Variants in SGCZ observed in about 807,000 individuals in gnomAD.
SGCZ encodes zeta-sarcoglycan.
A neutral mutation model predicts 41.3 loss-of-function variants in SGCZ; 40 were observed. The ratio of observed to expected loss-of-function variants is 0.97; its 90% CI spans 0.75 to 1.26. The LOEUF (loss-of-function observed/expected upper bound fraction) is 1.26, where lower values mean the gene tolerates loss of function less well. Ranked by LOEUF, SGCZ falls within the 50% of genes most tolerant of loss-of-function variation. The pLI, the probability that SGCZ is intolerant of heterozygous loss-of-function variation, is 0.00. For missense variants in SGCZ, 552 were observed against 369.8 expected, an observed-to-expected ratio of 1.49 and a Z score of -4.04; for synonymous variants, 206 against 137.5, an observed-to-expected ratio of 1.50 and a Z score of -3.49.
At chr8:14,686,759 AT>A (rs1433158897) in intron 1 of SGCZ, among the ~76,000 whole-genome samples, 1 of 152,098 alleles carries the variant, frequency 6.6e-6, no homozygotes, top group African/African-American at 2.4e-5. Flanking sequence ...ATGGTTTTGA[AT>A]ATGATAAATA....
intron 2 of SGCZ, among the ~76,000 whole-genome samples, chr8:14,402,770 G>C (rs1425220899): frequency 6.8e-6 from 1 of 147,534 alleles, no homozygotes; most frequent in Non-Finnish European, 1.5e-5. Flanking sequence ...TTGGCCATGC[G>C]GGCTCTTTTT....
At chr8:15,158,875 A>C (rs1419895778) in intron 1 of SGCZ, among the ~76,000 whole-genome samples, 1 of 152,216 alleles carries the variant, frequency 6.6e-6, no homozygotes, top group Non-Finnish European at 1.5e-5. Context: ...GAGGGTTATA[A>C]TCACTCTGTG....
intron 1 of SGCZ, among the ~76,000 whole-genome samples, chr8:14,711,507 CAGG>C (rs1809514750): frequency 1.4e-5 from 2 of 145,972 alleles, no homozygotes; most frequent in African/African-American, 2.5e-5. Context: ...AAGGCTGACG[CAGG>C]AGAATTGCTT....
chr8:14,468,390 A>G (rs1449140156), intron 2 of SGCZ, among the ~76,000 whole-genome samples: 1 of 152,122 alleles, frequency 6.6e-6, no homozygotes, highest in African/African-American at 2.4e-5. Flanking sequence ...TTTATTTTAA[A>G]TATCTTGCTC....
intron 1 of SGCZ, among the ~76,000 whole-genome samples, chr8:15,043,544 AAAG>A: frequency 6.6e-6 from 1 of 152,170 alleles, no homozygotes; most frequent in Non-Finnish European, 1.5e-5. Context: ...ACTTTCCAAA[AAAG>A]AAGAAAGGCA....
intron 1 of SGCZ, among the ~76,000 whole-genome samples, chr8:14,968,171 C>T (rs1801179659): frequency 6.6e-6 from 1 of 152,136 alleles, no homozygotes. Context: ...CAGAATCCCC[C>T]TTCCATATGG....
At chr8:15,042,273 G>C (rs1170306290) in intron 1 of SGCZ, among the ~76,000 whole-genome samples, 1 of 152,168 alleles carries the variant, frequency 6.6e-6, no homozygotes, top group Non-Finnish European at 1.5e-5. Flanking sequence ...CTAATGCCTA[G>C]CTGACGGCAG....
chr8:14,280,894 G>C (rs1405162805), intron 3 of SGCZ, among the ~76,000 whole-genome samples: 7 of 151,466 alleles, frequency 4.6e-5, no homozygotes, highest in Non-Finnish European at 1.0e-4. Flanking sequence ...GAGAGAGGGA[G>C]AAAGTACATA....
At chr8:14,668,249 C>CGCCCCCAGCCCAGATTTATTT (rs1807981467) in intron 1 of SGCZ, among the ~76,000 whole-genome samples, 1 of 152,138 alleles carries the variant, frequency 6.6e-6, no homozygotes, top group Non-Finnish European at 1.5e-5. Context: ...CGTGAGCCAC[C>CGCCCCCAGCCCAGATTTATTT]GCCCCCAGCC....
At chr8:14,551,551 A>ATT (rs1803847886) in intron 2 of SGCZ, among the ~76,000 whole-genome samples, 6 of 25,946 alleles carry the variant, frequency 2.3e-4, no homozygotes, top group South Asian at 2.0e-3. Context: ...TAATATATAT[A>ATT]ATATATATTA....
chr8:15,153,716 C>T (rs1459872820), intron 1 of SGCZ, among the ~76,000 whole-genome samples: 1 of 152,080 alleles, frequency 6.6e-6, no homozygotes, highest in African/African-American at 2.4e-5. Flanking sequence ...CTGCCCCTAC[C>T]GTGCCTTCCG....
chr8:14,595,780 G>A (rs1241629228), intron 1 of SGCZ, among the ~76,000 whole-genome samples: 2 of 152,142 alleles, frequency 1.3e-5, no homozygotes, highest in African/African-American at 2.4e-5. Flanking sequence ...GGGAAAACAC[G>A]GGTGCTGCCT....
chr8:15,170,246 C>T (rs1585635838), intron 1 of SGCZ, among the ~76,000 whole-genome samples: 1 of 152,182 alleles, frequency 6.6e-6, no homozygotes, highest in Non-Finnish European at 1.5e-5. Flanking sequence ...CCTTGACTTT[C>T]ATACATGACT....
At chr8:14,279,129 C>T (rs1038678550) in intron 3 of SGCZ, among the ~76,000 whole-genome samples, 10 of 151,766 alleles carry the variant, frequency 6.6e-5, no homozygotes, top group Admixed American at 3.9e-4. Flanking sequence ...AAATCAGAGC[C>T]GGAGATAAAA....
intron 2 of SGCZ, among the ~76,000 whole-genome samples, chr8:14,529,117 G>T (rs1030842214): frequency 6.6e-6 from 1 of 152,046 alleles, no homozygotes; most frequent in Non-Finnish European, 1.5e-5. Context: ...GAAATATTAA[G>T]TCCAGCACAT....
chr8:14,422,249 C>G (rs575296106), intron 2 of SGCZ, among the ~76,000 whole-genome samples: 1 of 152,254 alleles, frequency 6.6e-6, no homozygotes, highest in East Asian at 1.9e-4. Flanking sequence ...AATTTTCTCA[C>G]AAGACCTATT....
intron 1 of SGCZ, among the ~76,000 whole-genome samples, chr8:14,722,907 CAA>C (rs1348216149): frequency 1.3e-5 from 2 of 151,668 alleles, no homozygotes; most frequent in Non-Finnish European, 2.9e-5. Flanking sequence ...CAACAGTAAA[CAA>C]AGAAAAAACT....
Position 14,556,999 on chromosome 8 carries a change from G to C in SGCZ, c.40-2073C>G, listed in dbSNP as rs538980193. ...GTAGTTCTACATTTAATTATTTCAG[G>C]AATCTCCCCACTATTTTCCATAATG... On this transcript the variant is annotated intron_variant, in intron 1 of 7. Coordinates refer to ENST00000382080, the MANE Select transcript of SGCZ (RefSeq NM_139167.4). 1.6e-4 allele frequency among the ~76,000 whole-genome samples: 24 copies of C among 152,050 alleles called. No homozygotes were observed. In the East Asian group the frequency reaches 4.3e-3, roughly 27 times the overall value.
chr8:15,111,619 C>A (rs908703209), intron 1 of SGCZ, among the ~76,000 whole-genome samples: 2 of 152,112 alleles, frequency 1.3e-5, no homozygotes, highest in African/African-American at 2.4e-5. Flanking sequence ...CCCTACATTT[C>A]GGCCGGGTGT....
Sources: allele counts gnomAD v4.1 joint callset (sites outside exome capture counted in the v4.1 genomes callset), GRCh38; gene constraint gnomAD v4.1.1; transcripts MANE v1.5; gene names NCBI Gene and HGNC (gene_info 2026-07-23, HGNC 2026-07-21).